Variants in RNASEH2B observed in about 807,000 individuals in gnomAD.
RNASEH2B encodes Aicardi-Goutieres syndrome 2 protein.
Under a neutral mutation model 45.0 loss-of-function variants are expected in RNASEH2B, and 36 were observed. That is an observed-to-expected ratio of 0.80 (90% CI 0.61 to 1.06). The LOEUF is 1.06. RNASEH2B is among the 50% of genes least tolerant of loss of function. RNASEH2B has a pLI of 0.00. For missense variants in RNASEH2B, 361 were observed against 360.3 expected, an observed-to-expected ratio of 1.00 and a Z score of -0.02; for synonymous variants, 119 against 125.7, an observed-to-expected ratio of 0.95 and a Z score of 0.35.
intron 9 of RNASEH2B, chr13:50,953,555 C>A: frequency 3.3e-6 from 1 of 303,310 alleles, no homozygotes; most frequent in Non-Finnish European, 6.2e-6. Context: ...AGACTATTCT[C>A]ATTTTGACTT....
rs1207585545 is a variant in RNASEH2B, at chr13:50,956,687, A to G, written c.*213A>G. Reference sequence around the variant, plus strand: ...ATGGCCTTTTGGAGTCTCATCTGACATAATGAAAAGTAATCACTTGAAGAG... The same window carrying G: ...ATGGCCTTTTGGAGTCTCATCTGACGTAATGAAAAGTAATCACTTGAAGAG... On this transcript the variant is annotated 3_prime_UTR_variant, in exon 11 of 11. Transcript: ENST00000336617. 3.1e-6 allele frequency: 4 copies of G among 1,303,030 alleles called. No homozygotes were observed. Among genetic ancestry groups the G allele is most frequent in the East Asian group, 3.7e-5 (1 of 27,260 alleles). The allele number at this position is 1,303,030 out of a possible 1,614,324, so 80.7% of individuals were successfully genotyped here.
chr13:50,909,727 G>T (rs1204306719), upstream of RNASEH2B: 5 of 213,430 alleles, frequency 2.3e-5, no homozygotes, highest in Admixed American at 6.1e-5. Context: ...AGAGCGCGGG[G>T]CCCCGGCGAC....
At chr13:50,934,810 A>C in intron 4 of RNASEH2B, 75 bp from the exon 5 acceptor site, 1 of 995,840 alleles carries the variant, frequency 1.0e-6, no homozygotes, top group Non-Finnish European at 1.6e-6. Flanking sequence ...CCATGAGTTA[A>C]TGTGTCTTTT....
chr13:50,960,073 GT>G (rs1952096024), downstream of RNASEH2B: 1 of 569,256 alleles, frequency 1.8e-6, no homozygotes, highest in Non-Finnish European at 2.6e-6. Context: ...TCTTCAATAG[GT>G]TCTAGACATA....
At chr13:50,926,450 C>T (rs1224687662) in intron 1 of RNASEH2B, among the ~76,000 whole-genome samples, 1 of 151,952 alleles carries the variant, frequency 6.6e-6, no homozygotes, top group Admixed American at 6.6e-5. Context: ...GTGAATATGC[C>T]ACTCAAAATA....
In RNASEH2B at chr13:50,936,337, A is replaced by T. The variant is rs1196430083; in HGVS notation, c.436+1338A>T. ...CTGATAAGTTGTGGCTGTTTGGGTC[A>T]TAGATGGTTTGGCCAACTATGACAG... is the stretch of plus-strand genomic sequence containing the variant. On this transcript the variant is annotated intron_variant, in intron 5 of 10. Coordinates refer to ENST00000336617, the MANE Select transcript of RNASEH2B (RefSeq NM_024570.4). 2.0e-5 allele frequency: 3 copies of T among 152,220 alleles called. No homozygotes were observed. In the East Asian group the frequency reaches 5.8e-4, roughly 29 times the overall value. The allele number at this position is 152,220 out of a possible 1,614,324, so 9.4% of individuals were successfully genotyped here. A position where few individuals can be genotyped will look rare whatever the true frequency, so the allele number is the denominator to read the frequency against.
At chr13:50,927,963 G>A (rs918739338) in intron 2 of RNASEH2B, among the ~76,000 whole-genome samples, 1 of 150,354 alleles carries the variant, frequency 6.7e-6, no homozygotes, top group African/African-American at 2.4e-5. Flanking sequence ...TGACCAAAAA[G>A]TAGTACTTTT....
chr13:50,948,751 C>CTTTTTA (rs1261247072), intron 8 of RNASEH2B: 1 of 151,924 alleles, frequency 6.6e-6, no homozygotes, highest in Non-Finnish European at 1.5e-5. Flanking sequence ...CCTTTTTATC[C>CTTTTTA]TCTGAGTCAT....
At chr13:50,963,916 G>A (rs1952138624) in intron 9 of RNASEH2B, among the ~76,000 whole-genome samples, 2 of 152,134 alleles carry the variant, frequency 1.3e-5, no homozygotes, top group African/African-American at 2.4e-5. Flanking sequence ...TAAGAGTCCC[G>A]GCCGGGTGCG....
chr13:50,916,482 G>A (rs1002905944), intron 1 of RNASEH2B, among the ~76,000 whole-genome samples: 37 of 152,144 alleles, frequency 2.4e-4, no homozygotes, highest in Non-Finnish European at 4.4e-5. Context: ...ACATTGAAGA[G>A]GTGTAATACT....
chr13:50,948,558 G>T (rs1182352305), intron 8 of RNASEH2B: 2 of 155,616 alleles, frequency 1.3e-5, no homozygotes, highest in African/African-American at 4.8e-5. Context: ...GCAGAAGAAG[G>T]GTTTTAAGAA....
intron 1 of RNASEH2B, among the ~76,000 whole-genome samples, chr13:50,925,559 G>T (rs1050708706): frequency 1.3e-5 from 2 of 152,132 alleles, no homozygotes; most frequent in East Asian, 3.8e-4. Context: ...CAAATAGTTA[G>T]GGCTGACTCT....
chr13:50,940,704 T>C (rs1219044536), intron 5 of RNASEH2B: 1 of 152,228 alleles, frequency 6.6e-6, no homozygotes, highest in Admixed American at 6.5e-5. Flanking sequence ...CCGGTTAGTT[T>C]GTTTAGTCTT....
At chr13:50,915,250 A>G in intron 1 of RNASEH2B, 1 of 395,884 alleles carries the variant, frequency 2.5e-6, no homozygotes, top group African/African-American at 2.1e-5. Flanking sequence ...TTCTACTTCT[A>G]TCCAAATTCT....
At chr13:50,915,487 C>A (rs1436308164) in intron 1 of RNASEH2B, 1 of 398,516 alleles carries the variant, frequency 2.5e-6, no homozygotes, top group Non-Finnish European at 4.4e-6. Flanking sequence ...TTCGTGGTAC[C>A]TCTTTGACCA....
At chr13:50,943,200 T>A in intron 5 of RNASEH2B, 121 bp from the exon 6 acceptor site, 1 of 685,882 alleles carries the variant, frequency 1.5e-6, no homozygotes, top group Non-Finnish European at 2.5e-6. Flanking sequence ...GTTTGTAAAT[T>A]AAGCTTTTCA....
At chr13:50,951,406 C>G (rs1399612785) in intron 9 of RNASEH2B, 2 of 152,120 alleles carry the variant, frequency 1.3e-5, no homozygotes, top group African/African-American at 4.8e-5. Context: ...TAGCGTGGAG[C>G]CTGTCATCTT....
rs1028060532 is a variant in RNASEH2B, at chr13:50,909,955, G to T, written c.-122G>T. 2.2e-5 allele frequency: 16 copies of T among 743,868 alleles called. No homozygotes were observed. The African/African-American group carries it at 3.0e-4, about 14-fold the overall frequency. 46.1% of individuals were successfully genotyped at this position (743,868 alleles called of 1,614,324 possible). ...TCGGTCCCTGGGCCTCCTCCCGGGCGCTGCCGGTCCCTCAGCGCGCCGCGC... is the reference window on the plus strand; with the variant it reads ...TCGGTCCCTGGGCCTCCTCCCGGGCTCTGCCGGTCCCTCAGCGCGCCGCGC... On this transcript the variant is annotated 5_prime_UTR_variant, in exon 1 of 11. Coordinates refer to ENST00000336617, the MANE Select transcript of RNASEH2B (RefSeq NM_024570.4).
intron 1 of RNASEH2B, among the ~76,000 whole-genome samples, chr13:50,924,959 T>C (rs969789620): frequency 1.3e-5 from 2 of 152,254 alleles, no homozygotes; most frequent in Non-Finnish European, 2.9e-5. Flanking sequence ...TTCATCAAAT[T>C]TGGAACATTT....
Sources: allele counts gnomAD v4.1 joint callset (sites outside exome capture counted in the v4.1 genomes callset), GRCh38; gene constraint gnomAD v4.1.1; transcripts MANE v1.5; gene names NCBI Gene and HGNC (gene_info 2026-07-23, HGNC 2026-07-21).